Variants in METTL15 observed in about 807,000 individuals in gnomAD.
METTL15 encodes the protein 12S rRNA N(4)-cytidine methyltransferase METTL15.
Under a neutral mutation model 38.3 loss-of-function variants are expected in METTL15, and 34 were observed. The ratio of observed to expected loss-of-function variants is 0.89; its 90% CI spans 0.68 to 1.18. The LOEUF is 1.18. Ranked by LOEUF, METTL15 falls within the 50% of genes most tolerant of loss-of-function variation. METTL15 has a pLI of 0.00. For synonymous variants in METTL15, 162 were observed against 170.9 expected (o/e 0.95, Z 0.41); for missense variants, 438 against 498.4 (o/e 0.88, Z 1.15).
chr11:28,460,636 C>G (rs1423453752), intron 6 of METTL15, among the ~76,000 whole-genome samples: 5 of 151,982 alleles, frequency 3.3e-5, no homozygotes, highest in Non-Finnish European at 7.4e-5. Flanking sequence ...GGTATATGCT[C>G]CCTGCTCTCA....
At chr11:28,338,131 A>G (rs1849918264), downstream of METTL15, among the ~76,000 whole-genome samples, 1 of 151,362 alleles carries the variant, frequency 6.6e-6, no homozygotes, top group Admixed American at 6.6e-5. Flanking sequence ...TTTACTTGCA[A>G]CTGCAGTCTT....
At chr11:28,261,026 T>C (rs909538115) in intron 4 of METTL15, among the ~76,000 whole-genome samples, 2 of 152,142 alleles carry the variant, frequency 1.3e-5, no homozygotes, top group African/African-American at 2.4e-5. Flanking sequence ...CCAGGGGTGG[T>C]AATATAAAAG....
chr11:28,237,956 C>A, intron 4 of METTL15, among the ~76,000 whole-genome samples: 1 of 152,282 alleles, frequency 6.6e-6, no homozygotes, highest in East Asian at 1.9e-4. Flanking sequence ...CTGATCATTC[C>A]TCTGGAAGTT....
chr11:28,322,071 TA>T (rs1372679721), intron 6 of METTL15, among the ~76,000 whole-genome samples: 5 of 151,822 alleles, frequency 3.3e-5, no homozygotes, highest in African/African-American at 1.2e-4. Context: ...ATATAAGAAA[TA>T]AAACCAGAAA....
chr11:28,439,453 A>G (rs921827159), intron 6 of METTL15, among the ~76,000 whole-genome samples: 1 of 152,246 alleles, frequency 6.6e-6, no homozygotes, highest in Admixed American at 6.5e-5. Context: ...TTCTGTTTCC[A>G]AGTCAAGTAG....
At chr11:28,467,030 C>T (rs1851262720) in intron 6 of METTL15, among the ~76,000 whole-genome samples, 1 of 152,172 alleles carries the variant, frequency 6.6e-6, no homozygotes, top group Non-Finnish European at 1.5e-5. Flanking sequence ...CCTGAAATAT[C>T]CCTCTCCCAG....
intron 4 of METTL15, among the ~76,000 whole-genome samples, chr11:28,229,918 T>C (rs1250974764): frequency 6.6e-6 from 1 of 152,042 alleles, no homozygotes; most frequent in Non-Finnish European, 1.5e-5. Flanking sequence ...ACTAATATCA[T>C]ACAAATGTCA....
At chr11:28,329,478 T>G (rs1348947204) in intron 6 of METTL15, among the ~76,000 whole-genome samples, 5 of 152,148 alleles carry the variant, frequency 3.3e-5, no homozygotes, top group Non-Finnish European at 2.9e-5. Flanking sequence ...GCTTGTTAAT[T>G]TGTACAAAGA....
chr11:28,292,521 G>C (rs1454212843), intron 5 of METTL15, among the ~76,000 whole-genome samples: 2 of 152,036 alleles, frequency 1.3e-5, no homozygotes, highest in Non-Finnish European at 2.9e-5. Context: ...ATAAACATAC[G>C]TGTGCGTGTG....
chr11:28,352,763 G>A (rs1023696510), intron 4 of METTL15, among the ~76,000 whole-genome samples: 13 of 152,152 alleles, frequency 8.5e-5, no homozygotes, highest in African/African-American at 3.1e-4. Flanking sequence ...ATGAGGTGAA[G>A]CTCATTGAGG....
chr11:28,196,187 C>T (rs190254457), intron 3 of METTL15, among the ~76,000 whole-genome samples: 8 of 152,084 alleles, frequency 5.3e-5, no homozygotes, highest in Non-Finnish European at 1.2e-4. Context: ...TATTCGGGCT[C>T]TTTATTGGTT....
chr11:28,420,998 A>C (rs1850815624), intron 5 of METTL15, among the ~76,000 whole-genome samples: 1 of 152,024 alleles, frequency 6.6e-6, no homozygotes, highest in Non-Finnish European at 1.5e-5. Context: ...GAAGACCCCA[A>C]AAAAGTCAGA....
At chr11:28,508,366 C>T (rs148441904) in intron 6 of METTL15, among the ~76,000 whole-genome samples, 7 of 152,270 alleles carry the variant, frequency 4.6e-5, no homozygotes, top group African/African-American at 1.4e-4. Flanking sequence ...CTAACAAATA[C>T]TTTTCAGTAG....
chr11:28,188,475 T>C (rs768401611), intron 3 of METTL15, among the ~76,000 whole-genome samples: 1 of 151,288 alleles, frequency 6.6e-6, no homozygotes, highest in Non-Finnish European at 1.5e-5. Flanking sequence ...TTAATGATAA[T>C]GAACAAATGT....
intron 3 of METTL15, among the ~76,000 whole-genome samples, chr11:28,126,402 C>T (rs1852488513): frequency 6.6e-6 from 1 of 152,080 alleles, no homozygotes; most frequent in African/African-American, 2.4e-5. Flanking sequence ...AGCACACTAG[C>T]TTGAAAGGTG....
chr11:28,242,905 A>G (rs1854358939), intron 4 of METTL15, among the ~76,000 whole-genome samples: 4 of 152,264 alleles, frequency 2.6e-5, no homozygotes, highest in Middle Eastern at 3.4e-3. Context: ...TAGACATTAT[A>G]TCGCTTTAAT....
intron 3 of METTL15, among the ~76,000 whole-genome samples, chr11:28,148,240 A>T (rs1451093252): frequency 6.6e-6 from 1 of 151,956 alleles, no homozygotes; most frequent in Admixed American, 6.6e-5. Context: ...ATGTTCATGT[A>T]TAAATTGGAA....
At chr11:28,210,969 G>A (rs1852610578) in intron 3 of METTL15, 93 bp from the exon 4 acceptor site, 1 of 1,329,126 alleles carries the variant, frequency 7.5e-7, no homozygotes. Flanking sequence ...TGTCAAGTCT[G>A]AAAATCATTG....
chr11:28,163,873 T>C (rs1850561086), intron 3 of METTL15: 1 of 154,920 alleles, frequency 6.5e-6, no homozygotes, highest in South Asian at 2.1e-4. Flanking sequence ...GAAAGAGTTA[T>C]AATTTTAATA....
Sources: gnomAD v4.1 joint callset for allele counts (sites outside exome capture counted in the v4.1 genomes callset) on GRCh38, gnomAD v4.1.1 for gene constraint, MANE v1.5 for transcripts, NCBI Gene and HGNC (gene_info 2026-07-23, HGNC 2026-07-21) for gene names.